Variants in CPOX observed in about 807,000 individuals in gnomAD.
The protein encoded by CPOX is oxygen-dependent coproporphyrinogen-III oxidase, mitochondrial.
CPOX carries 24 observed loss-of-function variants against 48.9 expected under a neutral mutation model. The observed-to-expected ratio is 0.49, with a 90% confidence interval of 0.36 to 0.69. The LOEUF (loss-of-function observed/expected upper bound fraction) is 0.69, where lower values mean the gene tolerates loss of function less well. CPOX is among the 30% of genes least tolerant of loss of function. CPOX has a pLI of 0.00. For missense variants in CPOX, 549 were observed against 597.3 expected (o/e 0.92, Z 0.84); for synonymous variants, 249 against 234.6 (o/e 1.06, Z -0.56).
chr3:98,592,586 A>G (rs542004008), intron 1 of CPOX, among the ~76,000 whole-genome samples: 56 of 152,260 alleles, frequency 3.7e-4, no homozygotes, highest in African/African-American at 1.3e-3. Flanking sequence ...TCACCCAGAG[A>G]AGGAGAGAAA....
downstream of CPOX, among the ~76,000 whole-genome samples, chr3:98,579,139 G>C (rs539737257): frequency 1.3e-5 from 2 of 152,314 alleles, no homozygotes; most frequent in South Asian, 4.1e-4. Context: ...CTAATGAATA[G>C]CAAATATATC....
chr3:98,582,008 G>T (rs774024145), intron 5 of CPOX, among the ~76,000 whole-genome samples: 11 of 152,152 alleles, frequency 7.2e-5, no homozygotes, highest in African/African-American at 1.9e-4. Flanking sequence ...ATTAATAATG[G>T]ACTATGATAT....
rs144356111 is a variant in CPOX at position 98,591,796 on chromosome 3, G to A, written c.557-641C>T. 6.8e-3 allele frequency among the ~76,000 whole-genome samples: 1,037 copies of A among 152,134 alleles called. 9 individuals are homozygous for A. The highest frequency in any genetic ancestry group is 0.023 in the African/African-American group (951 of 41,496). ...TCTAAGAACATTTAGAGCTGGATGG[G>A]ACATAAGATGATCCAGTACAACCCT... On this transcript the variant is annotated intron_variant, in intron 1 of 6. Coordinates refer to ENST00000647941, the MANE Select transcript of CPOX (RefSeq NM_000097.7).
At chr3:98,577,888 A>G (rs1253639446), downstream of CPOX, among the ~76,000 whole-genome samples, 2 of 152,254 alleles carry the variant, frequency 1.3e-5, no homozygotes, top group East Asian at 1.9e-4. Flanking sequence ...ACATGGAAGG[A>G]TAAGTCATAA....
rs1277948696 is a variant in CPOX, at chr3:98,593,358, C to A, written c.147G>T (p.Arg49=). The change falls in exon 1 of 7, where the codon CGG becomes CGT. Residue 49 remains arginine (R), a synonymous_variant. Transcript: ENST00000647941. ...GCTCCGTGCCAGCCGGGCCAGGGGG[C>A]CGGCAGACGCGTCCGGCTGCGCTGC... ...SQRSAAGRVC[R]PPGPAGTEQS... The A allele has an allele frequency of 9.7e-6, 13 of 1,338,568 alleles. No individual in the cohort carries two copies. In the South Asian group the frequency reaches 2.8e-4, roughly 28 times the overall value. 82.9% of individuals were successfully genotyped at this position (1,338,568 alleles called of 1,614,324 possible).
At chr3:98,571,667 G>C in the CPOX span, among the ~76,000 whole-genome samples, 1 of 139,334 alleles carries the variant, frequency 7.2e-6, no homozygotes. Context: ...CAGCCTGGGC[G>C]ACAGAGCGAG....
chr3:98,585,963 C>G (rs891527025), intron 4 of CPOX: 2 of 351,712 alleles, frequency 5.7e-6, no homozygotes, highest in East Asian at 1.5e-4. Context: ...AGCTCCGCCT[C>G]CCGGGTTCAC....
In CPOX at chr3:98,585,505, T is replaced by C. The variant is rs778583962; in HGVS notation, c.1108A>G (p.Lys370Glu). ...AVVPSYIPLV[K>E]KHCDDSFTPQ... ...GTGAATGAGTCATCACAGTGCTTTT[T>C]CACAAGGGGAATGTAAGAAGGAACT... Residue 370 changes from lysine to glutamate, a missense_variant, in exon 5 of 7, where the codon AAA (lysine) becomes GAA (glutamate). This residue lies in a region of CPOX where 213 missense variants were observed against 279.1 expected (regional missense o/e 0.76). Coordinates refer to ENST00000647941, the MANE Select transcript of CPOX (RefSeq NM_000097.7). 8.7e-6 allele frequency: 14 copies of C among 1,614,130 alleles called. No homozygotes were observed. The East Asian group carries it at 3.1e-4, about 36-fold the overall frequency.
intron 4 of CPOX, among the ~76,000 whole-genome samples, chr3:98,586,073 T>C (rs555085740): frequency 2.0e-5 from 3 of 152,020 alleles, no homozygotes; most frequent in African/African-American, 7.2e-5. Context: ...GGGGTTTCAC[T>C]GTGTTAACCA....
At position 98,579,476 on chromosome 3, in the gene CPOX, C is replaced by T; in HGVS notation, c.*1207G>A. 1 of 849,758 alleles carries T rather than the reference C, an allele frequency of 1.2e-6. No individual in the cohort carries two copies. The highest frequency in any genetic ancestry group is 1.4e-6 in the Non-Finnish European group (1 of 706,862). 52.6% of individuals were successfully genotyped at this position (849,758 alleles called of 1,614,324 possible). ...CTTATTTAATAATAAAATTTATTAG[C>T]AGATCTCTTGTAAGACAGTTGAAGA... On this transcript the variant is annotated 3_prime_UTR_variant, in exon 7 of 7. Transcript: ENST00000647941.
At chr3:98,578,208 T>C (rs1438799828), downstream of CPOX, 4 of 904,826 alleles carry the variant, frequency 4.4e-6, no homozygotes, top group Non-Finnish European at 5.3e-6. Context: ...TGTTTTCCAG[T>C]AGTTATGCAA....
chr3:98,586,524 A>C (rs1473963802), intron 4 of CPOX, among the ~76,000 whole-genome samples: 1 of 152,160 alleles, frequency 6.6e-6, no homozygotes, highest in African/African-American at 2.4e-5. Context: ...GGTTCAGATG[A>C]TATCTTTTAT....
chr3:98,573,476 C>T, the CPOX span, among the ~76,000 whole-genome samples: 1 of 152,158 alleles, frequency 6.6e-6, no homozygotes. Context: ...CTGTCCTGTT[C>T]TCCACCTCTT....
Position 98,580,768 on chromosome 3 carries a change from C to T in CPOX, c.1280G>A (p.Trp427Ter). ...ILMSLPLTAR[W>*]EYMHSPSENS... ...CTCTGAGGGTGAATGCATGTACTCC[C>T]ATCTATGCATGTCCAAAACAAAAGC... The change falls in exon 7 of 7, where the codon TGG becomes TAG. Residue 427 changes from tryptophan (W) to a stop codon, truncating the protein, a stop_gained and splice_region_variant. Coordinates refer to ENST00000647941, the MANE Select transcript of CPOX (RefSeq NM_000097.7). LOFTEE classifies it high-confidence loss of function. The T allele has an allele frequency of 6.2e-7, 1 of 1,613,808 alleles. No homozygotes were observed. Among genetic ancestry groups the T allele is most frequent in the Non-Finnish European group, 8.5e-7 (1 of 1,179,884 alleles).
intron 5 of CPOX, among the ~76,000 whole-genome samples, chr3:98,582,856 G>A (rs1169090360): frequency 6.6e-6 from 1 of 152,200 alleles, no homozygotes; most frequent in African/African-American, 2.4e-5. Context: ...CTGCAAAAGT[G>A]TAAAGAATTT....
downstream of CPOX, among the ~76,000 whole-genome samples, chr3:98,579,093 A>G (rs9283596): frequency 0.13 from 19,518 of 152,274 alleles, 1,334 homozygotes; most frequent in East Asian, 0.17. Context: ...CATGAAAACA[A>G]TGAGGATGAA....
the CPOX span, among the ~76,000 whole-genome samples, chr3:98,573,522 T>A: frequency 2.0e-5 from 3 of 152,054 alleles, no homozygotes; most frequent in African/African-American, 4.8e-5. Context: ...CAGCACTTTT[T>A]CATTCTCCCT....
At position 98,585,602 on chromosome 3, in the gene CPOX, G is replaced by C; in HGVS notation, c.1011C>G (p.Ile337Met). ...HRGERRGIGG[I>M]FFDDLDSPSK... ...ACGGAGAGTCAAGATCATCAAAAAA[G>C]ATACCACCAATGCCCCGCCGTTCTC... is the stretch of plus-strand genomic sequence containing the variant. The change falls in exon 5 of 7, where the codon ATC (isoleucine) becomes ATG (methionine). Residue 337 changes from isoleucine to methionine, a missense_variant. Coordinates refer to ENST00000647941, the MANE Select transcript of CPOX (RefSeq NM_000097.7). 1 of 1,614,002 alleles carries C rather than the reference G, an allele frequency of 6.2e-7. No individual in the cohort carries two copies. Among genetic ancestry groups the C allele is most frequent in the Non-Finnish European group, 8.5e-7 (1 of 1,180,004 alleles).
chr3:98,586,954 CA>C (rs1707375952), intron 4 of CPOX, among the ~76,000 whole-genome samples: 1 of 146,890 alleles, frequency 6.8e-6, no homozygotes, highest in Non-Finnish European at 1.5e-5. Flanking sequence ...AAAAAACAAA[CA>C]AACAAACAAA....
Sources: allele counts gnomAD v4.1 joint callset (sites outside exome capture counted in the v4.1 genomes callset), GRCh38; gene constraint gnomAD v4.1.1; regional missense constraint gnomAD v4.1.1; transcripts MANE v1.5; gene names NCBI Gene and HGNC (gene_info 2026-07-23, HGNC 2026-07-21).